Variants in DISP1 observed in about 807,000 individuals in gnomAD.
DISP1 encodes the protein dispatched RND transporter family member 1, also known as protein dispatched homolog 1.
DISP1 carries 30 observed loss-of-function variants against 37.3 expected under a neutral mutation model. The observed-to-expected ratio is 0.80, with a 90% CI of 0.60 to 1.09. DISP1 has a LOEUF of 1.09. DISP1 is among the 50% of genes least tolerant of loss of function. The probability of loss-of-function intolerance (pLI) is 0.00; values close to 1 mark genes in which losing one functional copy is unlikely to be tolerated. For missense variants in DISP1, 1,598 were observed against 1,879.5 expected (o/e 0.85, Z 2.77); for synonymous variants, 634 against 690.2 (o/e 0.92, Z 1.28).
intron 1 of DISP1, among the ~76,000 whole-genome samples, chr1:222,898,960 AT>A (rs1671432310): frequency 6.6e-6 from 1 of 152,172 alleles, no homozygotes; most frequent in African/African-American, 2.4e-5. Flanking sequence ...ACCTTGTGAC[AT>A]TTAATCTTTA....
chr1:222,836,891 A>T, intron 1 of DISP1: 1 of 390,976 alleles, frequency 2.6e-6, no homozygotes, highest in Non-Finnish European at 4.5e-6. Flanking sequence ...TAGGTAAATA[A>T]CTCTGATTTT....
intron 1 of DISP1, among the ~76,000 whole-genome samples, chr1:222,871,454 T>C (rs939480657): frequency 4.6e-5 from 7 of 152,180 alleles, no homozygotes; most frequent in Non-Finnish European, 8.8e-5. Context: ...GTTTGTATCC[T>C]CTTTTATTTC....
At chr1:222,894,126 T>A (rs1324662676) in intron 1 of DISP1, among the ~76,000 whole-genome samples, 1 of 152,148 alleles carries the variant, frequency 6.6e-6, no homozygotes, top group East Asian at 1.9e-4. Flanking sequence ...TGTGTACTGG[T>A]TGATCCATGG....
chr1:222,823,683 ATAAG>A (rs1553312971), intron 1 of DISP1, among the ~76,000 whole-genome samples: 1 of 152,236 alleles, frequency 6.6e-6, no homozygotes, highest in Non-Finnish European at 1.5e-5. Context: ...ATAAAAATAA[ATAAG>A]TAAAAAGCAA....
chr1:222,936,802 A>AAAT (rs1274927833), intron 2 of DISP1, among the ~76,000 whole-genome samples: 656 of 45,782 alleles, frequency 0.014, 18 homozygotes, highest in Middle Eastern at 0.033. Context: ...ATAATATATT[A>AAAT]TATATATAAA....
chr1:222,948,532 A>C (rs1674960642), intron 3 of DISP1, among the ~76,000 whole-genome samples: 1 of 152,232 alleles, frequency 6.6e-6, no homozygotes, highest in Non-Finnish European at 1.5e-5. Context: ...TATTCTACGC[A>C]ACTCTTTCAG....
chr1:222,971,356 A>G (rs1676939952), intron 3 of DISP1, among the ~76,000 whole-genome samples: 1 of 151,832 alleles, frequency 6.6e-6, no homozygotes, highest in Admixed American at 6.6e-5. Context: ...ACACCGTTGG[A>G]GTTCATTTTG....
intron 1 of DISP1, among the ~76,000 whole-genome samples, chr1:222,820,774 T>C (rs1260769560): frequency 6.6e-6 from 1 of 152,164 alleles, no homozygotes; most frequent in Non-Finnish European, 1.5e-5. Flanking sequence ...AAATACAAGA[T>C]AATGTACATA....
At chr1:222,884,188 CTT>C (rs1327281016) in intron 1 of DISP1, among the ~76,000 whole-genome samples, 1 of 151,530 alleles carries the variant, frequency 6.6e-6, no homozygotes, top group Non-Finnish European at 1.5e-5. Flanking sequence ...TTTTTTTTAA[CTT>C]TTTATTTTGA....
At chr1:222,989,563 G>A (rs1678534092) in intron 4 of DISP1, 1 of 985,114 alleles carries the variant, frequency 1.0e-6, no homozygotes, top group Non-Finnish European at 1.2e-6. Flanking sequence ...CTGGAAGAAA[G>A]GGCCCAGTGT....
At chr1:222,827,967 C>T (rs1042953542) in intron 1 of DISP1, among the ~76,000 whole-genome samples, 1 of 152,188 alleles carries the variant, frequency 6.6e-6, no homozygotes, top group Non-Finnish European at 1.5e-5. Context: ...ATGACCTCCT[C>T]ACTGGTTGAG....
chr1:222,817,111 A>G (rs1202305786), intron 1 of DISP1, among the ~76,000 whole-genome samples: 2 of 152,174 alleles, frequency 1.3e-5, no homozygotes, highest in Admixed American at 6.5e-5. Context: ...ATTCCGGAAA[A>G]TCTTTGGAAT....
At chr1:222,865,105 CA>C (rs1168214422) in intron 1 of DISP1, among the ~76,000 whole-genome samples, 1 of 152,030 alleles carries the variant, frequency 6.6e-6, no homozygotes, top group East Asian at 1.9e-4. Context: ...TTCAAACTAA[CA>C]ACTCCTTGCT....
intron 1 of DISP1, among the ~76,000 whole-genome samples, chr1:222,844,144 G>A (rs1222474443): frequency 6.6e-6 from 1 of 152,132 alleles, no homozygotes; most frequent in African/African-American, 2.4e-5. Flanking sequence ...TAGACCTGAT[G>A]TGTTGAGGTT....
chr1:222,817,739 A>G (rs1661609138), intron 1 of DISP1, among the ~76,000 whole-genome samples: 1 of 152,204 alleles, frequency 6.6e-6, no homozygotes, highest in Non-Finnish European at 1.5e-5. Context: ...AATAGTGACC[A>G]AGATGACTTG....
At chr1:222,911,554 G>T (rs898985574) in intron 1 of DISP1, among the ~76,000 whole-genome samples, 2 of 151,726 alleles carry the variant, frequency 1.3e-5, no homozygotes, top group African/African-American at 4.8e-5. Context: ...GTCCAGGCTG[G>T]ATTGCAGTGG....
At chr1:222,889,082 C>T (rs1670802319) in intron 1 of DISP1, among the ~76,000 whole-genome samples, 1 of 151,800 alleles carries the variant, frequency 6.6e-6, no homozygotes, top group Non-Finnish European at 1.5e-5. Flanking sequence ...ATGTTTTTTT[C>T]CCCTAAGATT....
At chr1:222,914,276 C>T (rs1221881844) in intron 1 of DISP1, among the ~76,000 whole-genome samples, 1 of 151,980 alleles carries the variant, frequency 6.6e-6, no homozygotes, top group Non-Finnish European at 1.5e-5. Context: ...AATTTAATTG[C>T]CTTCCAAAAT....
intron 3 of DISP1, among the ~76,000 whole-genome samples, chr1:222,953,606 A>C (rs1398770016): frequency 2.6e-5 from 4 of 152,216 alleles, no homozygotes; most frequent in Non-Finnish European, 5.9e-5. Context: ...TCTTAGAAGA[A>C]GTCTGGTAAG....
Sources: allele counts gnomAD v4.1 joint callset (sites outside exome capture counted in the v4.1 genomes callset), GRCh38; gene constraint gnomAD v4.1.1; transcripts MANE v1.5; gene names NCBI Gene and HGNC (gene_info 2026-07-23, HGNC 2026-07-21).